ADAMTSL1: variants seen among roughly 807,000 people sequenced by gnomAD.
The protein encoded by ADAMTSL1 is ADAMTS-like protein 1.
ADAMTSL1 carries 126 observed loss-of-function variants against 201.8 expected under a neutral mutation model. That is an observed-to-expected ratio of 0.62 (90% CI 0.54 to 0.72). ADAMTSL1 has a LOEUF of 0.72. ADAMTSL1 is among the 30% of genes least tolerant of loss of function. The pLI, the probability that ADAMTSL1 is intolerant of heterozygous loss-of-function variation, is 0.00. For synonymous variants in ADAMTSL1, 1,121 were observed against 903.4 expected (o/e 1.24, Z -4.32); for missense variants, 2,679 against 2,277.8 (o/e 1.18, Z -3.59).
chr9:18,342,686 C>A (rs542616825), intron 2 of ADAMTSL1, among the ~76,000 whole-genome samples: 6 of 152,220 alleles, frequency 3.9e-5, no homozygotes, highest in African/African-American at 1.4e-4. Flanking sequence ...GTTCCTCTTC[C>A]CGATGTGGTT....
intron 2 of ADAMTSL1, among the ~76,000 whole-genome samples, chr9:18,213,675 A>T (rs190370227): frequency 1.3e-3 from 191 of 152,338 alleles, no homozygotes; most frequent in African/African-American, 4.3e-3. Flanking sequence ...AAGATAGCAC[A>T]TACGGAAACC....
intron 2 of ADAMTSL1, among the ~76,000 whole-genome samples, chr9:18,255,842 C>G (rs1311682772): frequency 1.3e-5 from 2 of 152,176 alleles, no homozygotes; most frequent in Admixed American, 6.5e-5. Context: ...TCCATCTACC[C>G]TCTTTGTCAG....
At chr9:18,135,910 C>T (rs569203617) in intron 1 of ADAMTSL1, among the ~76,000 whole-genome samples, 1 of 152,256 alleles carries the variant, frequency 6.6e-6, no homozygotes, top group African/African-American at 2.4e-5. Flanking sequence ...GCATACCCCT[C>T]ACTCAATCCT....
At chr9:18,263,563 C>A (rs568879513) in intron 2 of ADAMTSL1, among the ~76,000 whole-genome samples, 8 of 152,226 alleles carry the variant, frequency 5.3e-5, no homozygotes, top group African/African-American at 1.9e-4. Flanking sequence ...CCAGCCTGAC[C>A]GCAAATTCCG....
At chr9:18,113,989 A>G (rs1161163542) in intron 1 of ADAMTSL1, among the ~76,000 whole-genome samples, 1 of 152,154 alleles carries the variant, frequency 6.6e-6, no homozygotes, top group Non-Finnish European at 1.5e-5. Flanking sequence ...AATAAAACAC[A>G]AATGTCATAA....
At position 18,440,701 on chromosome 9, in the gene ADAMTSL1, A is replaced by G. The variant is rs1255487025; in HGVS notation, c.208-64128A>G. Among the ~76,000 whole-genome samples the G allele has an allele frequency of 3.9e-5, 6 of 151,974 alleles. No homozygotes were observed. In the East Asian group the frequency reaches 9.6e-4, roughly 24 times the overall value. On this transcript the variant is annotated intron_variant, in intron 2 of 29. Transcript: ENST00000680146. ...TACCGCAATTTTAATATGATGCATC[A>G]TTTTGAAGAGATGGTCATATTTAAG...
chr9:18,010,519 T>C (rs975985747), intron 1 of ADAMTSL1, among the ~76,000 whole-genome samples: 2 of 152,156 alleles, frequency 1.3e-5, no homozygotes, highest in African/African-American at 4.8e-5. Flanking sequence ...GAGAGATTAA[T>C]TGTGAACTAG....
intron 23 of ADAMTSL1, among the ~76,000 whole-genome samples, chr9:18,852,849 G>T (rs148239994): frequency 1.0e-3 from 157 of 152,238 alleles, no homozygotes; most frequent in African/African-American, 3.6e-3. Context: ...TGTAAAGTAC[G>T]CTATAAAACC....
intron 1 of ADAMTSL1, among the ~76,000 whole-genome samples, chr9:17,944,068 C>A (rs549296098): frequency 2.7e-4 from 41 of 152,088 alleles, no homozygotes; most frequent in Non-Finnish European, 5.7e-4. Context: ...CACCGAGCCC[C>A]ACCTCCAGCA....
intron 2 of ADAMTSL1, among the ~76,000 whole-genome samples, chr9:18,352,186 A>T (rs1288920675): frequency 6.6e-6 from 1 of 152,214 alleles, no homozygotes; most frequent in Non-Finnish European, 1.5e-5. Flanking sequence ...TGGAAAACAA[A>T]TAGCATATAC....
chr9:18,637,635 T>C (rs776756), intron 6 of ADAMTSL1, among the ~76,000 whole-genome samples: 1 of 152,000 alleles, frequency 6.6e-6, no homozygotes, highest in Admixed American at 6.6e-5. Context: ...ATTGGTAGCA[T>C]ATGTATAGCT....
chr9:18,399,927 T>C (rs1278729128), intron 2 of ADAMTSL1, among the ~76,000 whole-genome samples: 2 of 152,064 alleles, frequency 1.3e-5, no homozygotes, highest in African/African-American at 4.8e-5. Context: ...TGTTTATACA[T>C]CAAAAACCAC....
chr9:18,630,069 TA>T (rs1449550902), intron 5 of ADAMTSL1, among the ~76,000 whole-genome samples: 1 of 152,212 alleles, frequency 6.6e-6, no homozygotes, highest in East Asian at 1.9e-4. Flanking sequence ...GGGTACTAGA[TA>T]TTTTTGTATT....
intron 1 of ADAMTSL1, among the ~76,000 whole-genome samples, chr9:18,499,400 T>C (rs1371084966): frequency 6.6e-6 from 1 of 152,192 alleles, no homozygotes; most frequent in Non-Finnish European, 1.5e-5. Context: ...GCAGAACCAG[T>C]ATTCCAAGTT....
intron 1 of ADAMTSL1, among the ~76,000 whole-genome samples, chr9:18,035,310 CAGG>C (rs1382583218): frequency 6.6e-6 from 1 of 152,112 alleles, no homozygotes; most frequent in Non-Finnish European, 1.5e-5. Flanking sequence ...TGAATTCATC[CAGG>C]AGAAGAAAAA....
At chr9:18,748,515 A>C (rs1040060346) in intron 15 of ADAMTSL1, among the ~76,000 whole-genome samples, 4 of 152,200 alleles carry the variant, frequency 2.6e-5, no homozygotes, top group African/African-American at 9.6e-5. Context: ...TGTCAAAAGC[A>C]TGTCAATTCA....
At chr9:18,425,356 T>A (rs1819162139) in intron 2 of ADAMTSL1, among the ~76,000 whole-genome samples, 1 of 152,238 alleles carries the variant, frequency 6.6e-6, no homozygotes, top group South Asian at 2.1e-4. Flanking sequence ...CGTGCAATCT[T>A]ACCACCATTT....
chr9:18,644,847 T>C (rs1827687043), intron 7 of ADAMTSL1, among the ~76,000 whole-genome samples: 1 of 152,060 alleles, frequency 6.6e-6, no homozygotes, highest in Non-Finnish European at 1.5e-5. Context: ...ACAATAAACA[T>C]ACGTGTGCAT....
intron 3 of ADAMTSL1, among the ~76,000 whole-genome samples, chr9:18,553,282 A>AT (rs1025296783): frequency 7.4e-5 from 9 of 121,234 alleles, no homozygotes; most frequent in African/African-American, 2.5e-4. Context: ...ATCCATTTCT[A>AT]TTTTTTTACT....
Sources: allele counts gnomAD v4.1 joint callset (sites outside exome capture counted in the v4.1 genomes callset), GRCh38; gene constraint gnomAD v4.1.1; transcripts MANE v1.5; gene names NCBI Gene and HGNC (gene_info 2026-07-23, HGNC 2026-07-21).